SUGT1: variants seen among roughly 807,000 people sequenced by gnomAD.
SUGT1 encodes protein SGT1 homolog.
In SUGT1, 15 loss-of-function variants were observed where a neutral mutation model predicts 56.1. The observed-to-expected ratio is 0.27, with a 90% CI of 0.18 to 0.41. The LOEUF is 0.41. Ranked by LOEUF, SUGT1 falls within the 10% of genes least tolerant of loss-of-function variation. The pLI is 1.00. For synonymous variants in SUGT1, 123 were observed against 128.6 expected, an observed-to-expected ratio of 0.96 and a Z score of 0.30; for missense variants, 347 against 382.2, an observed-to-expected ratio of 0.91 and a Z score of 0.77.
chr13:52,652,863 G>C lies in SUGT1; in HGVS notation c.-58G>C. ...CCAGAAGTTTCCCCCTTGGGCGGTGGTGGAGGTGGTAACCGTGATAGTAGC... is the reference window on the plus strand; with the variant it reads ...CCAGAAGTTTCCCCCTTGGGCGGTGCTGGAGGTGGTAACCGTGATAGTAGC... On this transcript the variant is annotated 5_prime_UTR_variant, in exon 1 of 13. Transcript: ENST00000310528. The C allele has an allele frequency of 6.3e-7, 1 of 1,591,150 alleles. No individual in the cohort carries two copies. Among genetic ancestry groups the C allele is most frequent in the Non-Finnish European group, 8.6e-7 (1 of 1,167,784 alleles).
intron 8 of SUGT1, among the ~76,000 whole-genome samples, chr13:52,665,090 T>A (rs1422367599): frequency 6.6e-6 from 1 of 152,206 alleles, no homozygotes; most frequent in East Asian, 1.9e-4. Context: ...CCTGACACAG[T>A]TAAACTTCAT....
rs889908677 is a variant in SUGT1, at chr13:52,692,050, G to A, written c.*4215G>A. 5 of 152,164 alleles carry A rather than the reference G, an allele frequency of 3.3e-5. No homozygotes were observed. The South Asian group carries it at 8.3e-4, about 25-fold the overall frequency. 9.4% of individuals were successfully genotyped at this position (152,164 alleles called of 1,614,324 possible). A position where few individuals can be genotyped will look rare whatever the true frequency, so the allele number is the denominator to read the frequency against. On this transcript the variant is annotated 3_prime_UTR_variant, in exon 13 of 13. Coordinates refer to ENST00000310528, the MANE Select transcript of SUGT1 (RefSeq NM_006704.5). ...TTAGTAAAGTTGCTCCTCCAAATCAGCTAAAATCATATACAATGAATGCTG... is the reference window on the plus strand; with the variant it reads ...TTAGTAAAGTTGCTCCTCCAAATCAACTAAAATCATATACAATGAATGCTG...
At chr13:52,678,409 T>C (rs1390732327) in intron 11 of SUGT1, among the ~76,000 whole-genome samples, 2 of 152,192 alleles carry the variant, frequency 1.3e-5, no homozygotes, top group Non-Finnish European at 2.9e-5. Context: ...CTCAGCTATT[T>C]TGACAAAAGG....
chr13:52,656,080 A>C (rs1277523805), intron 2 of SUGT1, among the ~76,000 whole-genome samples: 3 of 152,238 alleles, frequency 2.0e-5, no homozygotes, highest in Non-Finnish European at 4.4e-5. Flanking sequence ...GGATTTTATA[A>C]GGGGTTATTA....
chr13:52,656,567 T>A (rs1302832759), intron 2 of SUGT1, among the ~76,000 whole-genome samples: 18 of 152,222 alleles, frequency 1.2e-4, no homozygotes, highest in Non-Finnish European at 2.4e-4. Flanking sequence ...AAATTCCTTA[T>A]AACTGCCTGC....
rs755750398 is a variant in SUGT1, at chr13:52,659,216, C to G, written c.295C>G (p.Leu99Val). 1 of 1,482,064 alleles carries G rather than the reference C, an allele frequency of 6.7e-7. No individual in the cohort carries two copies. The highest frequency in any genetic ancestry group is 1.5e-5 in the African/African-American group (1 of 67,800). 91.8% of individuals were successfully genotyped at this position (1,482,064 alleles called of 1,614,324 possible). A position where few individuals can be genotyped will look rare whatever the true frequency, so the allele number is the denominator to read the frequency against. Reference sequence around the variant, plus strand: ...CCATGAAAAAAACTATGCTGCTGCCCTAGAAACTTTTACAGAAGGACAAAA... The same window carrying G: ...CCATGAAAAAAACTATGCTGCTGCCGTAGAAACTTTTACAGAAGGACAAAA... ...EYHEKNYAAA[L>V]ETFTEGQKLD... Residue 99 changes from leucine (L) to valine (V), a missense_variant, in exon 5 of 13, where the codon CTA becomes GTA. By Grantham distance (32) the Leu-to-Val change is conservative. Coordinates refer to ENST00000310528, the MANE Select transcript of SUGT1 (RefSeq NM_006704.5).
At chr13:52,677,096 C>T (rs1315519386) in intron 11 of SUGT1, among the ~76,000 whole-genome samples, 1 of 152,128 alleles carries the variant, frequency 6.6e-6, no homozygotes, top group East Asian at 1.9e-4. Flanking sequence ...TCAGCTTTTT[C>T]TGATTTTGAC....
intron 12 of SUGT1, among the ~76,000 whole-genome samples, chr13:52,682,852 C>G (rs1162612117): frequency 2.0e-5 from 3 of 152,150 alleles, no homozygotes; most frequent in African/African-American, 7.2e-5. Context: ...ACTCATTTGT[C>G]TTTCCATGTA....
rs138310854 is a variant in SUGT1 at position 52,670,829 on chromosome 13, A to G, written c.627+3910A>G. ...CTCCGTCTCCAAAAGAAAAAAAAGA[A>G]TTAGAATTCTCAGTCTTTTGGGGTG... On this transcript the variant is annotated intron_variant, in intron 10 of 12. Coordinates refer to ENST00000310528, the MANE Select transcript of SUGT1 (RefSeq NM_006704.5). Among the ~76,000 whole-genome samples the G allele has an allele frequency of 3.3e-3, 505 of 152,256 alleles. 3 individuals are homozygous for G. Among genetic ancestry groups the G allele is most frequent in the African/African-American group, 0.011 (456 of 41,550 alleles).
intron 10 of SUGT1, 60 bp from the exon 11 acceptor site, chr13:52,676,170 T>G: frequency 7.2e-7 from 1 of 1,394,876 alleles, no homozygotes; most frequent in East Asian, 2.4e-5. Flanking sequence ...GAAAACTGCA[T>G]TTTTTACTGT....
intron 10 of SUGT1, among the ~76,000 whole-genome samples, chr13:52,672,447 G>A (rs1962982887): frequency 6.6e-6 from 1 of 152,132 alleles, no homozygotes; most frequent in Admixed American, 6.5e-5. Flanking sequence ...TCCATTCATT[G>A]CCATTTTTTT....
intron 12 of SUGT1, among the ~76,000 whole-genome samples, chr13:52,681,836 T>TA (rs35537047): frequency 0.84 from 112,251 of 134,010 alleles, 47,090 homozygotes; most frequent in East Asian, 0.96. Flanking sequence ...CCTATCTCTT[T>TA]AAAAAAAAAA....
At chr13:52,654,821 A>T (rs1962081706) in intron 2 of SUGT1, among the ~76,000 whole-genome samples, 2 of 152,278 alleles carry the variant, frequency 1.3e-5, no homozygotes, top group Admixed American at 1.3e-4. Flanking sequence ...GTATAGCCGT[A>T]AGTACGGCGC....
intron 10 of SUGT1, among the ~76,000 whole-genome samples, chr13:52,667,456 T>C (rs1346208728): frequency 2.0e-5 from 3 of 152,158 alleles, no homozygotes; most frequent in South Asian, 2.1e-4. Flanking sequence ...GTGATTCTCC[T>C]GCTTCAGCCT....
chr13:52,659,814 A>T lies in SUGT1; in HGVS notation c.328+565A>T, dbSNP rs7329955. Among the ~76,000 whole-genome samples the T allele has an allele frequency of 2.0e-4, 12 of 58,726 alleles. 1 individual carries two copies. Among genetic ancestry groups the T allele is most frequent in the Admixed American group, 8.7e-4 (3 of 3,466 alleles). 38.5% of individuals were successfully genotyped at this position (58,726 alleles called of 152,430 possible). On this transcript the variant is annotated intron_variant, in intron 5 of 12. Coordinates refer to ENST00000310528, the MANE Select transcript of SUGT1 (RefSeq NM_006704.5). The stretch of plus-strand genomic sequence containing the variant: ...AATATATATATATATATATATATAT[A>T]TTTTTTTTTTTTTTTTTTTTTTTTT...
At chr13:52,666,478 A>G (rs1962707860) in intron 9 of SUGT1, among the ~76,000 whole-genome samples, 1 of 152,240 alleles carries the variant, frequency 6.6e-6, no homozygotes, top group Admixed American at 6.5e-5. Flanking sequence ...TGTTTTGCAC[A>G]TGGATCACTT....
intron 4 of SUGT1, 46 bp downstream of exon 4, chr13:52,658,514 G>A: frequency 6.5e-7 from 1 of 1,548,292 alleles, no homozygotes. Context: ...TAGATAGTAG[G>A]TATTTAATTT....
At chr13:52,658,738 C>CT (rs59712858) in intron 4 of SUGT1, among the ~76,000 whole-genome samples, 19 of 127,744 alleles carry the variant, frequency 1.5e-4, no homozygotes, top group African/African-American at 4.2e-4. Context: ...TTTCACATTG[C>CT]TTTTTTTTTT....
In SUGT1 at chr13:52,696,050, G is replaced by C. The variant is rs1179708981; in HGVS notation, c.*8215G>C. The C allele has an allele frequency of 6.6e-6, 1 of 152,236 alleles. No individual in the cohort carries two copies. Among genetic ancestry groups the C allele is most frequent in the Non-Finnish European group, 1.5e-5 (1 of 68,054 alleles). The allele number at this position is 152,236 out of a possible 1,614,324, so 9.4% of individuals were successfully genotyped here. On this transcript the variant is annotated 3_prime_UTR_variant, in exon 13 of 13. Coordinates refer to ENST00000310528, the MANE Select transcript of SUGT1 (RefSeq NM_006704.5). ...ACCACAACATGTCATGAGCATGCTT[G>C]AGAGTGCTAATCTATTCCTTGTTTG... is the stretch of plus-strand genomic sequence containing the variant.
Sources: gnomAD v4.1 joint callset for allele counts (sites outside exome capture counted in the v4.1 genomes callset) on GRCh38, gnomAD v4.1.1 for gene constraint, MANE v1.5 for transcripts, NCBI Gene and HGNC (gene_info 2026-07-23, HGNC 2026-07-21) for gene names.